FYN: variants seen among roughly 807,000 people sequenced by gnomAD.
The protein encoded by FYN is tyrosine-protein kinase Fyn.
A neutral mutation model predicts 70.2 loss-of-function variants in FYN; 10 were observed. The ratio of observed to expected loss-of-function variants is 0.14; its 90% CI spans 0.09 to 0.24. The LOEUF is 0.24. Among genes scored for constraint, FYN ranks in the 10% least tolerant of loss-of-function variants. The pLI is 1.00. For synonymous variants in FYN, 236 were observed against 248.6 expected, an observed-to-expected ratio of 0.95 and a Z score of 0.48; for missense variants, 319 against 673.1, an observed-to-expected ratio of 0.47 and a Z score of 5.82.
At chr6:111,724,224 G>T (rs1801086235) in intron 3 of FYN, among the ~76,000 whole-genome samples, 1 of 152,104 alleles carries the variant, frequency 6.6e-6, no homozygotes, top group African/African-American at 2.4e-5. Context: ...CCATAAGCAG[G>T]GCAGACATTA....
chr6:111,669,997 G>A (rs1015450200), intron 13 of FYN, among the ~76,000 whole-genome samples: 1 of 152,024 alleles, frequency 6.6e-6, no homozygotes, highest in African/African-American at 2.4e-5. Flanking sequence ...GGCTTTGAAG[G>A]GTTCTGAGGC....
chr6:111,746,545 T>C (rs565817867), intron 3 of FYN, among the ~76,000 whole-genome samples: 1 of 152,378 alleles, frequency 6.6e-6, no homozygotes, highest in South Asian at 2.1e-4. Flanking sequence ...TTATCCATTA[T>C]AGTAGCTTTT....
At chr6:111,729,098 C>G (rs1234455289) in intron 3 of FYN, among the ~76,000 whole-genome samples, 1 of 152,090 alleles carries the variant, frequency 6.6e-6, no homozygotes, top group Non-Finnish European at 1.5e-5. Flanking sequence ...GAATATGACT[C>G]TCTTACATTG....
intron 3 of FYN, among the ~76,000 whole-genome samples, chr6:111,775,912 C>T (rs1770917583): frequency 6.6e-6 from 1 of 152,186 alleles, no homozygotes; most frequent in African/African-American, 2.4e-5. Context: ...GATATTCTTG[C>T]TCTCATGTTA....
intron 3 of FYN, among the ~76,000 whole-genome samples, chr6:111,773,615 AGAGAGGGGGAAAGGAGAGG>A (rs1803578097): frequency 1.7e-5 from 1 of 59,402 alleles, no homozygotes; most frequent in Non-Finnish European, 3.0e-5. Flanking sequence ...AGGGGGAGGG[AGAGAGGGGGAAAGGAGAGG>A]GGGAGGGGGA....
chr6:111,823,905 T>C (rs1268030137), intron 2 of FYN, among the ~76,000 whole-genome samples: 1 of 152,236 alleles, frequency 6.6e-6, no homozygotes, highest in Non-Finnish European at 1.5e-5. Flanking sequence ...GTAGCTGACG[T>C]ATATTGTAAC....
At chr6:111,745,925 T>C (rs1802191283) in intron 3 of FYN, among the ~76,000 whole-genome samples, 1 of 152,206 alleles carries the variant, frequency 6.6e-6, no homozygotes, top group Admixed American at 6.5e-5. Flanking sequence ...TGATTTCCCA[T>C]GTAACTCTGG....
At chr6:111,710,113 C>A (rs942797009) in intron 5 of FYN, among the ~76,000 whole-genome samples, 6 of 152,166 alleles carry the variant, frequency 3.9e-5, no homozygotes, top group African/African-American at 1.4e-4. Flanking sequence ...AGCTCCTCCC[C>A]CTCCACCCTC....
At position 111,789,794 on chromosome 6, in the gene FYN, G is replaced by T. The variant is rs1401335455; in HGVS notation, c.-81-9159C>A. 2.6e-5 allele frequency among the ~76,000 whole-genome samples: 4 copies of T among 152,198 alleles called. No individual in the cohort carries two copies. In the East Asian group the frequency reaches 7.7e-4, roughly 29 times the overall value. ...TCCTAAGATCTGCAATCCACAGTCT[G>T]AACAGAAACACTGCTTTGCTATGAT... On this transcript the variant is annotated intron_variant, in intron 2 of 13. Coordinates refer to ENST00000354650, the MANE Select transcript of FYN (RefSeq NM_002037.5).
intron 3 of FYN, among the ~76,000 whole-genome samples, chr6:111,773,584 GAGGGAAAGGGAA>G (rs1329894175): frequency 2.6e-5 from 2 of 76,130 alleles, no homozygotes; most frequent in East Asian, 5.0e-4. Flanking sequence ...GGGGGAGGGG[GAGGGAAAGGGAA>G]AGGGAGAGAG....
At position 111,696,453 on chromosome 6, in the gene FYN, G is replaced by A. The variant is rs2128438813; in HGVS notation, c.866C>T (p.Thr289Ile). The A allele has an allele frequency of 6.3e-7, 1 of 1,596,476 alleles. No homozygotes were observed. Among genetic ancestry groups the A allele is most frequent in the Non-Finnish European group, 8.5e-7 (1 of 1,169,702 alleles). The change falls in exon 10 of 14, where the codon ACC becomes ATC. Residue 289 changes from threonine to isoleucine, a missense_variant. Coordinates refer to ENST00000354650, the MANE Select transcript of FYN (RefSeq NM_002037.5). Reference protein sequence around the residue: ...NGQFGEVWMGTWNGNTKVAIK... With the variant: ...NGQFGEVWMGIWNGNTKVAIK... ...GGCTACTTTTGTGTTTCCATTCCAG[G>A]TACCTACAAACATCCCAGAATATGA...
intron 3 of FYN, among the ~76,000 whole-genome samples, chr6:111,725,699 T>C (rs903822512): frequency 2.0e-5 from 3 of 152,172 alleles, no homozygotes; most frequent in African/African-American, 4.8e-5. Flanking sequence ...ACTCTGCCAA[T>C]GTGGGAAAGT....
At chr6:111,757,372 T>G (rs1205087010) in intron 3 of FYN, among the ~76,000 whole-genome samples, 1 of 152,158 alleles carries the variant, frequency 6.6e-6, no homozygotes, top group Non-Finnish European at 1.5e-5. Flanking sequence ...GGAGTATAAT[T>G]TCATGGAAGA....
At chr6:111,683,393 C>T (rs1244692220) in intron 12 of FYN, among the ~76,000 whole-genome samples, 1 of 152,194 alleles carries the variant, frequency 6.6e-6, no homozygotes, top group Non-Finnish European at 1.5e-5. Context: ...GCTGAACTGC[C>T]AAGTCTCTCT....
At chr6:111,861,963 A>T (rs1039237749) in intron 1 of FYN, among the ~76,000 whole-genome samples, 2 of 152,246 alleles carry the variant, frequency 1.3e-5, no homozygotes, top group African/African-American at 4.8e-5. Context: ...AAAGTAAACA[A>T]AATCAATGCA....
chr6:111,756,731 T>C (rs890241570), intron 3 of FYN, among the ~76,000 whole-genome samples: 1 of 152,210 alleles, frequency 6.6e-6, no homozygotes, highest in Non-Finnish European at 1.5e-5. Flanking sequence ...ATCTTATCAA[T>C]AGATACAGAA....
chr6:111,762,398 A>G (rs993160556), intron 3 of FYN, among the ~76,000 whole-genome samples: 2 of 152,192 alleles, frequency 1.3e-5, no homozygotes, highest in African/African-American at 4.8e-5. Flanking sequence ...GGATCCAAAG[A>G]AACCTGGAAA....
chr6:111,693,670 T>C (rs1314936531), intron 12 of FYN, among the ~76,000 whole-genome samples: 2 of 152,144 alleles, frequency 1.3e-5, no homozygotes, highest in Non-Finnish European at 2.9e-5. Context: ...GTAGAGATTT[T>C]CGAGTAACTA....
chr6:111,706,324 A>G (rs988547954), intron 6 of FYN, among the ~76,000 whole-genome samples: 1 of 152,250 alleles, frequency 6.6e-6, no homozygotes, highest in Non-Finnish European at 1.5e-5. Flanking sequence ...GAAAGAATCC[A>G]GATTCTAAAA....
Sources: allele counts gnomAD v4.1 joint callset (sites outside exome capture counted in the v4.1 genomes callset), GRCh38; gene constraint gnomAD v4.1.1; transcripts MANE v1.5; gene names NCBI Gene and HGNC (gene_info 2026-07-23, HGNC 2026-07-21).